TOGARAM2: variants seen among roughly 807,000 people sequenced by gnomAD.
TOGARAM2 encodes the protein TOG array regulator of axonemal microtubules protein 2.
A neutral mutation model predicts 93.3 loss-of-function variants in TOGARAM2; 85 were observed. The observed-to-expected ratio is 0.91, with a 90% CI of 0.76 to 1.09. The LOEUF is 1.09. TOGARAM2 is among the 50% of genes least tolerant of loss of function. TOGARAM2 has a pLI of 0.00. For missense variants in TOGARAM2, 1,277 were observed against 1,334.5 expected (o/e 0.96, Z 0.67); for synonymous variants, 593 against 552.8 (o/e 1.07, Z -1.02).
intron 1 of TOGARAM2, among the ~76,000 whole-genome samples, chr2:28,962,759 TCCCCTTCCCTC>T (rs1671818554): frequency 5.8e-5 from 2 of 34,198 alleles, no homozygotes; most frequent in East Asian, 1.8e-3. Flanking sequence ...TTCCCTCCCC[TCCCCTTCCCTC>T]CCCTCCCCTT....
chr2:29,015,572 C>G (rs1274874763), intron 8 of TOGARAM2, among the ~76,000 whole-genome samples: 1 of 152,204 alleles, frequency 6.6e-6, no homozygotes, highest in Non-Finnish European at 1.5e-5. Flanking sequence ...TGCCGTGTCT[C>G]TCTTCTCTCC....
In TOGARAM2 at chr2:29,033,061, G is replaced by A. The variant is rs1475776208; in HGVS notation, c.2130+10G>A. The A allele has an allele frequency of 6.2e-7, 1 of 1,609,438 alleles. No individual in the cohort carries two copies. Among genetic ancestry groups the A allele is most frequent in the South Asian group, 1.1e-5 (1 of 90,230 alleles). ...GGCCATTAAACAGCAGGTGAGCTGT[G>A]GGGCATAAGTGGGTCATGGCCTTTT... On this transcript the variant is annotated intron_variant, in intron 15 of 19. Coordinates refer to ENST00000379558, the MANE Select transcript of TOGARAM2 (RefSeq NM_199280.4).
intron 8 of TOGARAM2, 45 bp downstream of exon 8, chr2:29,014,606 C>A: frequency 6.5e-7 from 1 of 1,543,290 alleles, no homozygotes; most frequent in South Asian, 1.2e-5. Context: ...TGGAGTGGAC[C>A]GCAGGCTGCA....
chr2:28,959,751 GAAAA>G (rs573566073), intron 1 of TOGARAM2, among the ~76,000 whole-genome samples: 5 of 151,558 alleles, frequency 3.3e-5, no homozygotes, highest in Non-Finnish European at 7.4e-5. Flanking sequence ...TCAAAAAAAA[GAAAA>G]AAAAGAATAG....
chr2:29,043,487 T>TA (rs1666558801), intron 18 of TOGARAM2, among the ~76,000 whole-genome samples: 1 of 152,158 alleles, frequency 6.6e-6, no homozygotes, highest in African/African-American at 2.4e-5. Flanking sequence ...TGCAGAACTC[T>TA]AAAAACTCTG....
At chr2:28,999,522 G>C (rs57018089) in intron 4 of TOGARAM2, 54 bp downstream of exon 4, 562,764 of 1,508,402 alleles carry the variant, frequency 0.37, 112,154 homozygotes, top group East Asian at 0.77. Context: ...GTCAAGGGCC[G>C]CAGGCCTCCA....
intron 18 of TOGARAM2, among the ~76,000 whole-genome samples, chr2:29,039,366 T>TTGCTGCTC (rs1666299337): frequency 6.6e-6 from 1 of 152,136 alleles, no homozygotes; most frequent in Non-Finnish European, 1.5e-5. Flanking sequence ...GCTCAGCAGG[T>TTGCTGCTC]TACTGTTTAT....
At position 29,026,846 on chromosome 2, in the gene TOGARAM2, C is replaced by T. The variant is rs1390449903; in HGVS notation, c.1854-7C>T. The T allele has an allele frequency of 1.9e-6, 3 of 1,579,298 alleles. No individual in the cohort carries two copies. In the African/African-American group the frequency reaches 4.1e-5, roughly 21 times the overall value. ...AGACTGACCCCTGGGCCATGATTTC[C>T]TTTCAGCCACCGGAACCCCTTGATC... On this transcript the variant is annotated splice_polypyrimidine_tract_variant and splice_region_variant and intron_variant, in intron 13 of 19. Transcript: ENST00000379558.
At chr2:29,049,377 T>G (rs1666943793) in intron 19 of TOGARAM2, 1 of 152,262 alleles carries the variant, frequency 6.6e-6, no homozygotes, top group African/African-American at 2.4e-5. Context: ...CATTCCTCAA[T>G]GGACACTGGG....
At chr2:28,974,629 T>C (rs1222638939) in intron 1 of TOGARAM2, among the ~76,000 whole-genome samples, 1 of 151,920 alleles carries the variant, frequency 6.6e-6, no homozygotes, top group Non-Finnish European at 1.5e-5. Flanking sequence ...ATTTTTATTT[T>C]TTGAGACAGG....
At chr2:28,985,097 G>A (rs1672406848) in intron 1 of TOGARAM2, among the ~76,000 whole-genome samples, 1 of 152,218 alleles carries the variant, frequency 6.6e-6, no homozygotes, top group Non-Finnish European at 1.5e-5. Flanking sequence ...GTATTAGGAG[G>A]TGGGGCCTTC....
In TOGARAM2 at chr2:29,018,113, G is replaced by A. The variant is rs531771580; in HGVS notation, c.1360+157G>A. 5.2e-6 allele frequency: 4 copies of A among 769,608 alleles called. No homozygotes were observed. In the Admixed American group the frequency reaches 9.2e-5, roughly 18 times the overall value. 47.7% of individuals were successfully genotyped at this position (769,608 alleles called of 1,614,324 possible). A position where few individuals can be genotyped will look rare whatever the true frequency, so the allele number is the denominator to read the frequency against. ...GGGGTGGTGGTTGCCTTGCCAGAGA[G>A]AGAAACAGTGTCAGGGACTCATCAT... On this transcript the variant is annotated intron_variant, in intron 10 of 19. Coordinates refer to ENST00000379558, the MANE Select transcript of TOGARAM2 (RefSeq NM_199280.4).
chr2:29,002,455 C>T, intron 4 of TOGARAM2, 81 bp from the exon 5 acceptor site: 1 of 1,265,296 alleles, frequency 7.9e-7, no homozygotes. Context: ...GGGCAGAAGG[C>T]CCCGTTGCTG....
At chr2:29,039,365 G>A (rs920780446) in intron 18 of TOGARAM2, among the ~76,000 whole-genome samples, 2 of 152,186 alleles carry the variant, frequency 1.3e-5, no homozygotes, top group Non-Finnish European at 2.9e-5. Flanking sequence ...AGCTCAGCAG[G>A]TTACTGTTTA....
chr2:29,005,434 C>T (rs1258961843), intron 6 of TOGARAM2, among the ~76,000 whole-genome samples: 13 of 120,488 alleles, frequency 1.1e-4, no homozygotes, highest in African/African-American at 3.3e-4. Flanking sequence ...CATGCATGTG[C>T]GTGAGTGCAT....
rs1420151537 is a variant in TOGARAM2 at position 29,002,530 on chromosome 2, G to T, written c.428-6G>T. On this transcript the variant is annotated splice_polypyrimidine_tract_variant and splice_region_variant and intron_variant, in intron 4 of 19. Transcript: ENST00000379558. Reference sequence around the variant, plus strand: ...TAACTGATTTCCCATCCCCATCCCTGTACAGCCTCTCTGGATCCAGGGGGA... The same window carrying T: ...TAACTGATTTCCCATCCCCATCCCTTTACAGCCTCTCTGGATCCAGGGGGA... 1 of 1,612,348 alleles carries T rather than the reference G, an allele frequency of 6.2e-7. No homozygotes were observed. The highest frequency in any genetic ancestry group is 8.5e-7 in the Non-Finnish European group (1 of 1,179,346).
intron 6 of TOGARAM2, among the ~76,000 whole-genome samples, chr2:29,006,422 CTGTG>C (rs1376573991): frequency 2.0e-5 from 1 of 49,866 alleles, no homozygotes; most frequent in African/African-American, 4.6e-5. Context: ...TCATGTGTAT[CTGTG>C]TGTGTGCATG....
At chr2:29,032,348 C>A (rs117264834) in intron 14 of TOGARAM2, among the ~76,000 whole-genome samples, 1 of 152,316 alleles carries the variant, frequency 6.6e-6, no homozygotes, top group African/African-American at 2.4e-5. Context: ...TATCCCAAAT[C>A]CCACCCAACT....
intron 1 of TOGARAM2, among the ~76,000 whole-genome samples, chr2:28,957,417 G>C (rs985758180): frequency 6.6e-6 from 1 of 152,132 alleles, no homozygotes; most frequent in Admixed American, 6.5e-5. Context: ...CTGACCTCAG[G>C]TGATCCGCCT....
Sources: gnomAD v4.1 joint callset for allele counts (sites outside exome capture counted in the v4.1 genomes callset) on GRCh38, gnomAD v4.1.1 for gene constraint, MANE v1.5 for transcripts, NCBI Gene and HGNC (gene_info 2026-07-23, HGNC 2026-07-21) for gene names.